Variants in ASPM observed in about 807,000 individuals in gnomAD.
ASPM encodes abnormal spindle-like microcephaly-associated protein.
In ASPM, 256 loss-of-function variants were observed where a neutral mutation model predicts 366.4. The observed-to-expected ratio is 0.70, with a 90% CI of 0.63 to 0.77. The LOEUF (loss-of-function observed/expected upper bound fraction) is 0.77. Ranked by LOEUF, ASPM falls within the 30% of genes least tolerant of loss-of-function variation. The pLI is 0.00. For missense variants in ASPM, 4,146 were observed against 4,090.4 expected (o/e 1.01, Z -0.37); for synonymous variants, 1,414 against 1,342.9 (o/e 1.05, Z -1.16).
intron 17 of ASPM, among the ~76,000 whole-genome samples, chr1:197,106,204 T>G (rs1657404832): frequency 6.6e-6 from 1 of 152,008 alleles, no homozygotes; most frequent in African/African-American, 2.4e-5. Flanking sequence ...CCTGTAAGTT[T>G]TATTGTCTTC....
At position 197,128,529 on chromosome 1, in the gene ASPM, G is replaced by C. The variant is rs148198333; in HGVS notation, c.2897C>G (p.Thr966Arg). ...TPFDEFDFAV[T>R]NLAVDLQCGV... ...ACATTGCAAGTCTACGGCAAGATTT[G>C]TAACGGCAAAATCAAATTCATCAAA... Residue 966 changes from threonine to arginine, a missense_variant, in exon 10 of 28, where the codon ACA (threonine) becomes AGA (arginine). Coordinates refer to ENST00000367409, the MANE Select transcript of ASPM (RefSeq NM_018136.5). 2 of 1,613,864 alleles carry C rather than the reference G, an allele frequency of 1.2e-6. No homozygotes were observed. Among genetic ancestry groups the C allele is most frequent in the East Asian group, 2.2e-5 (1 of 44,856 alleles).
At chr1:197,136,454 G>C (rs1478229595) in intron 4 of ASPM, among the ~76,000 whole-genome samples, 3 of 152,056 alleles carry the variant, frequency 2.0e-5, no homozygotes, top group Non-Finnish European at 4.4e-5. Context: ...ATGTTAGGTG[G>C]TGTACAATGA....
chr1:197,135,931 C>T (rs1200389599), intron 4 of ASPM, among the ~76,000 whole-genome samples: 1 of 152,046 alleles, frequency 6.6e-6, no homozygotes, highest in Non-Finnish European at 1.5e-5. Flanking sequence ...CCAGCCTGGG[C>T]AACAGAACAG....
chr1:197,139,228 G>A (rs1658509325), intron 4 of ASPM: 2 of 914,862 alleles, frequency 2.2e-6, no homozygotes, highest in African/African-American at 1.7e-5. Flanking sequence ...ACTCCCCAAG[G>A]CTAGTGACGG....
rs1221002814 is a variant in ASPM at position 197,101,500 on chromosome 1, T to C, written c.7751A>G (p.Gln2584Arg). The change falls in exon 18 of 28, where the codon CAA (glutamine) becomes CGA (arginine). Residue 2584 changes from glutamine to arginine, a missense_variant. This residue lies in a region of ASPM where 3,624 missense variants were observed against 3,591.7 expected (regional missense o/e 1.01). Transcript: ENST00000367409. Reference sequence around the variant, plus strand: ...CTTTTTATTTGCTCTATATTTTTCTTGTATGATTTTTGTAGCCCACTGAAG... The same window carrying C: ...CTTTTTATTTGCTCTATATTTTTCTCGTATGATTTTTGTAGCCCACTGAAG... ...QKLQWATKII[Q>R]EKYRANKKKQ... 6.2e-7 allele frequency: 1 copy of C among 1,609,700 alleles called. No individual in the cohort carries two copies. The highest frequency in any genetic ancestry group is 8.5e-7 in the Non-Finnish European group (1 of 1,179,094).
At chr1:197,134,557 T>C (rs1307234321) in intron 5 of ASPM, among the ~76,000 whole-genome samples, 1 of 152,252 alleles carries the variant, frequency 6.6e-6, no homozygotes, top group Non-Finnish European at 1.5e-5. Context: ...CATAAGAATT[T>C]TTCCTTATCT....
intron 27 of ASPM, among the ~76,000 whole-genome samples, chr1:197,086,586 T>G (rs144426421): frequency 6.6e-6 from 1 of 152,322 alleles, no homozygotes; most frequent in African/African-American, 2.4e-5. Context: ...TATAAGAAGT[T>G]TGTTGAATAA....
intron 17 of ASPM, among the ~76,000 whole-genome samples, chr1:197,107,295 C>CATA (rs1469751448): frequency 1.3e-5 from 2 of 152,080 alleles, no homozygotes; most frequent in Non-Finnish European, 2.9e-5. Context: ...AGACTGGCTA[C>CATA]TGGGTGTTAC....
In ASPM at chr1:197,129,927, G is replaced by A; in HGVS notation, c.2617C>T (p.Leu873=). ...CAGAGATACTTACCATCTCTATACA[G>A]GTGAGGAACAGTGGGGTGTCTATAC... is the stretch of plus-strand genomic sequence containing the variant. ...AEYRHPTVPH[L]YRDGHEEALS... is the part of the protein sequence containing the mutation. The change falls in exon 8 of 28, where the codon CTG becomes TTG. Residue 873 remains leucine, a synonymous_variant. Coordinates refer to ENST00000367409, the MANE Select transcript of ASPM (RefSeq NM_018136.5). 3 of 1,613,782 alleles carry A rather than the reference G, an allele frequency of 1.9e-6. No homozygotes were observed. The highest frequency in any genetic ancestry group is 2.5e-6 in the Non-Finnish European group (3 of 1,179,762).
intron 2 of ASPM, 34 bp downstream of exon 2, chr1:197,143,923 C>A (rs1318099769): frequency 1.9e-6 from 3 of 1,576,148 alleles, no homozygotes; most frequent in African/African-American, 1.3e-5. Context: ...TAAACAATTT[C>A]TTAGAGTAAA....
chr1:197,128,596 G>C lies in ASPM; in HGVS notation c.2830C>G (p.Leu944Val), dbSNP rs1431513695. 1.9e-6 allele frequency: 3 copies of C among 1,613,602 alleles called. No individual in the cohort carries two copies. In the African/African-American group the frequency reaches 4.0e-5, roughly 22 times the overall value. The change falls in exon 10 of 28, where the codon CTT becomes GTT. Residue 944 changes from leucine (L) to valine (V), a missense_variant. By Grantham distance (32) the Leu-to-Val change is conservative. This residue lies in a region of ASPM where 3,624 missense variants were observed against 3,591.7 expected (regional missense o/e 1.01). Coordinates refer to ENST00000367409, the MANE Select transcript of ASPM (RefSeq NM_018136.5). ...TTAACAGGTAATCCCAATAAGCCAAGGTGACGGGAAAGGTCACCTTCACCA... is the reference window on the plus strand; with the variant it reads ...TTAACAGGTAATCCCAATAAGCCAACGTGACGGGAAAGGTCACCTTCACCA... Reference protein sequence around the residue: ...LSGEGDLSRHLGLLGLPVNHV... With the variant: ...LSGEGDLSRHVGLLGLPVNHV...
chr1:197,089,309 C>T (rs1656698485), intron 25 of ASPM, among the ~76,000 whole-genome samples: 2 of 151,966 alleles, frequency 1.3e-5, no homozygotes, highest in Admixed American at 6.6e-5. Context: ...CCTTTGGTTG[C>T]ATACAATATA....
At chr1:197,126,618 T>G (rs942763795) in intron 10 of ASPM, among the ~76,000 whole-genome samples, 1 of 152,014 alleles carries the variant, frequency 6.6e-6, no homozygotes, top group Non-Finnish European at 1.5e-5. Context: ...ATTAACCAAC[T>G]AAAAAAATGT....
Position 197,146,470 on chromosome 1 carries a change from C to A in ASPM, c.-33G>T. 6.3e-7 allele frequency: 1 copy of A among 1,599,564 alleles called. No individual in the cohort carries two copies. The highest frequency in any genetic ancestry group is 8.5e-7 in the Non-Finnish European group (1 of 1,178,590). ...TCGAGACCCCTCCTGGATCTCCTTG[C>A]CCCGCTCCCACGAGGCGGCTCCGGA... On this transcript the variant is annotated 5_prime_UTR_variant, in exon 1 of 28. Coordinates refer to ENST00000367409, the MANE Select transcript of ASPM (RefSeq NM_018136.5).
In ASPM at chr1:197,084,449, C is replaced by G. The variant is rs1051981191; in HGVS notation, c.10332-23G>C. On this transcript the variant is annotated intron_variant, in intron 27 of 27. Coordinates refer to ENST00000367409, the MANE Select transcript of ASPM (RefSeq NM_018136.5). ...AGTCTGTTAAAAAAAAAAAAAAAGT[C>G]TGGCATTAATAAAGTTCTTCTCTTT... 1.7e-5 allele frequency: 21 copies of G among 1,267,014 alleles called. No homozygotes were observed. The African/African-American group carries it at 2.9e-4, about 18-fold the overall frequency. The allele number at this position is 1,267,014 out of a possible 1,614,324, so 78.5% of individuals were successfully genotyped here. A position where few individuals can be genotyped will look rare whatever the true frequency, so the allele number is the denominator to read the frequency against.
rs142901223 is a variant in ASPM, at chr1:197,090,349, A to C, written c.9676T>G (p.Cys3226Gly). 7.9e-4 allele frequency: 1,272 copies of C among 1,612,048 alleles called. 1 individual carries two copies. Among genetic ancestry groups the C allele is most frequent in the Non-Finnish European group, 1.0e-3 (1,193 of 1,178,870 alleles). ...AGTCGTATAGCTTTAATTTTTGTAC[A>C]ATCATTTTTCTTCCTCCAAGAATAG... ...RGYSWRKKND[C>G]TKIKAIRLSL... The change falls in exon 24 of 28, where the codon TGT (cysteine) becomes GGT (glycine). Residue 3226 changes from cysteine (C) to glycine (G), a missense_variant. Coordinates refer to ENST00000367409, the MANE Select transcript of ASPM (RefSeq NM_018136.5).
Position 197,097,902 on chromosome 1 carries a change from G to A in ASPM, c.8821-1738C>T, listed in dbSNP as rs576250329. On this transcript the variant is annotated intron_variant, in intron 18 of 27. Coordinates refer to ENST00000367409, the MANE Select transcript of ASPM (RefSeq NM_018136.5). ...ACTTTTTAATGAAAACAAATTGACCGAAAATCTGTCACAGAATTTTGAGAC... is the reference window on the plus strand; with the variant it reads ...ACTTTTTAATGAAAACAAATTGACCAAAAATCTGTCACAGAATTTTGAGAC... Among the ~76,000 whole-genome samples the A allele has an allele frequency of 3.0e-4, 46 of 151,138 alleles. No homozygotes were observed. In the South Asian group the frequency reaches 8.8e-3, roughly 29 times the overall value.
At chr1:197,111,501 T>A (rs994676718) in intron 17 of ASPM, among the ~76,000 whole-genome samples, 1 of 152,172 alleles carries the variant, frequency 6.6e-6, no homozygotes, top group Non-Finnish European at 1.5e-5. Context: ...GTTCGGCTAC[T>A]TTGAAAATCA....
chr1:197,124,471 T>C, intron 12 of ASPM, 140 bp from the exon 13 acceptor site: 1 of 720,624 alleles, frequency 1.4e-6, no homozygotes, highest in South Asian at 2.0e-5. Flanking sequence ...TCAAAGAAAA[T>C]AAAGTGCCTG....
Sources: gnomAD v4.1 joint callset for allele counts (sites outside exome capture counted in the v4.1 genomes callset) on GRCh38, gnomAD v4.1.1 for gene constraint, gnomAD v4.1.1 regional missense constraint, MANE v1.5 for transcripts, NCBI Gene and HGNC (gene_info 2026-07-23, HGNC 2026-07-21) for gene names.